The following DPP10 variants were observed in gnomAD, a reference collection of about 807,000 sequenced individuals.
The protein encoded by DPP10 is dipeptidyl peptidase like 10.
A neutral mutation model predicts 120.9 loss-of-function variants in DPP10; 33 were observed. The ratio of observed to expected loss-of-function variants is 0.27; its 90% CI spans 0.21 to 0.37. The LOEUF is 0.37. Among genes scored for constraint, DPP10 ranks in the 10% least tolerant of loss-of-function variants. The pLI, the probability that DPP10 is intolerant of heterozygous loss-of-function variation, is 1.00. For missense variants in DPP10, 816 were observed against 942.8 expected, an observed-to-expected ratio of 0.87 and a Z score of 1.76; for synonymous variants, 337 against 326.1, an observed-to-expected ratio of 1.03 and a Z score of -0.36.
chr2:115,236,657 A>G (rs549930073), intron 1 of DPP10, among the ~76,000 whole-genome samples: 14 of 152,306 alleles, frequency 9.2e-5, no homozygotes, highest in African/African-American at 3.1e-4. Flanking sequence ...ATTAAAACCA[A>G]TGTGCCATTT....
intron 1 of DPP10, among the ~76,000 whole-genome samples, chr2:114,664,939 CAGAGCATCCAAAAGATGGCAT>C (rs1558982723): frequency 2.1e-4 from 20 of 97,536 alleles, no homozygotes; most frequent in South Asian, 9.1e-4. Flanking sequence ...AAAGATGGCA[CAGAGCATCCAAAAGATGGCAT>C]AGAGCATCCA....
chr2:115,061,075 AT>A, intron 1 of DPP10, among the ~76,000 whole-genome samples: 1 of 152,174 alleles, frequency 6.6e-6, no homozygotes, highest in Non-Finnish European at 1.5e-5. Context: ...AAGACTTAAA[AT>A]TGTTTTTCTT....
chr2:115,819,732 A>G (rs1687614806), intron 21 of DPP10, among the ~76,000 whole-genome samples: 2 of 152,128 alleles, frequency 1.3e-5, no homozygotes, highest in Non-Finnish European at 2.9e-5. Flanking sequence ...GGTGGCTCAC[A>G]CCTGTAATCC....
At chr2:115,513,995 C>T (rs1331042382) in intron 4 of DPP10, among the ~76,000 whole-genome samples, 2 of 151,942 alleles carry the variant, frequency 1.3e-5, no homozygotes, top group East Asian at 1.9e-4. Flanking sequence ...GAAATGACAA[C>T]TTCTCCTTCC....
rs769502923 is a variant in DPP10, at chr2:114,871,258, A to AG, written c.60+428420_60+428421insG. 4.8e-3 allele frequency among the ~76,000 whole-genome samples: 727 copies of AG among 151,294 alleles called. 89 individuals carry two copies. The highest frequency in any genetic ancestry group is 0.013 in the East Asian group (65 of 5,090). On this transcript the variant is annotated intron_variant, in intron 1 of 25. Coordinates refer to ENST00000410059, the MANE Select transcript of DPP10 (RefSeq NM_020868.6). ...TCTTTCTCTATTATTGGGGGAAAGAACACTGAAGAAACAAGACTTTATTCC... is the reference window on the plus strand; with the variant it reads ...TCTTTCTCTATTATTGGGGGAAAGAAGCACTGAAGAAACAAGACTTTATTCC...
At chr2:115,119,201 T>A (rs761322953) in intron 1 of DPP10, among the ~76,000 whole-genome samples, 5 of 152,142 alleles carry the variant, frequency 3.3e-5, no homozygotes, top group Non-Finnish European at 7.3e-5. Context: ...AGGTGCTCAT[T>A]TGAAGCATTT....
intron 5 of DPP10, among the ~76,000 whole-genome samples, chr2:115,597,289 A>G (rs1270037411): frequency 1.3e-5 from 2 of 152,142 alleles, no homozygotes; most frequent in Non-Finnish European, 2.9e-5. Flanking sequence ...TTTTTTCACA[A>G]TACAAAGTAA....
At chr2:115,701,050 A>G (rs915367776) in intron 7 of DPP10, among the ~76,000 whole-genome samples, 5 of 152,148 alleles carry the variant, frequency 3.3e-5, no homozygotes, top group African/African-American at 9.6e-5. Flanking sequence ...ATCCCTATCA[A>G]AATCCAAATA....
intron 5 of DPP10, among the ~76,000 whole-genome samples, chr2:115,626,012 C>T (rs778332997): frequency 2.4e-4 from 36 of 149,800 alleles, no homozygotes; most frequent in Admixed American, 1.8e-3. Context: ...TGTCTGTCTG[C>T]TTGGGTATAC....
chr2:114,548,114 G>T (rs1687574401), intron 1 of DPP10, among the ~76,000 whole-genome samples: 1 of 152,100 alleles, frequency 6.6e-6, no homozygotes, highest in Non-Finnish European at 1.5e-5. Flanking sequence ...CCTTTAGCAG[G>T]GTTGCTTTGA....
At chr2:115,714,739 A>G (rs2092432463) in intron 7 of DPP10, among the ~76,000 whole-genome samples, 1 of 152,176 alleles carries the variant, frequency 6.6e-6, no homozygotes, top group African/African-American at 2.4e-5. Flanking sequence ...CTGCTTAGAA[A>G]AATCTACTGG....
At chr2:115,225,227 T>A (rs2057373250) in intron 1 of DPP10, among the ~76,000 whole-genome samples, 1 of 149,190 alleles carries the variant, frequency 6.7e-6, no homozygotes, top group African/African-American at 2.5e-5. Context: ...AGAGGAGAGG[T>A]CATGATAGCT....
chr2:115,540,262 T>C (rs1365839039), intron 5 of DPP10, among the ~76,000 whole-genome samples: 1 of 151,976 alleles, frequency 6.6e-6, no homozygotes, highest in East Asian at 1.9e-4. Context: ...TGATGCTTAA[T>C]TCTACTTACT....
At chr2:115,202,404 A>C (rs2055802373) in intron 1 of DPP10, among the ~76,000 whole-genome samples, 1 of 152,312 alleles carries the variant, frequency 6.6e-6, no homozygotes, top group South Asian at 2.1e-4. Context: ...ACATATTTTC[A>C]ATTTGCTGAT....
intron 1 of DPP10, among the ~76,000 whole-genome samples, chr2:114,523,046 C>A (rs1008457775): frequency 6.6e-6 from 1 of 152,126 alleles, no homozygotes; most frequent in Admixed American, 6.5e-5. Context: ...TAGGTTCTCT[C>A]GAAACAGATC....
At chr2:115,068,983 A>G (rs1559056102) in intron 1 of DPP10, among the ~76,000 whole-genome samples, 2 of 152,208 alleles carry the variant, frequency 1.3e-5, no homozygotes, top group South Asian at 2.1e-4. Flanking sequence ...GTATATTTCA[A>G]CATCTGGTAG....
chr2:114,996,596 T>G (rs1190937321), intron 1 of DPP10, among the ~76,000 whole-genome samples: 1 of 152,216 alleles, frequency 6.6e-6, no homozygotes, highest in Non-Finnish European at 1.5e-5. Flanking sequence ...CATCTGTAAT[T>G]TTAGCATTTT....
intron 1 of DPP10, among the ~76,000 whole-genome samples, chr2:114,518,095 TTTA>T (rs1684754296): frequency 1.4e-5 from 2 of 147,614 alleles, no homozygotes; most frequent in African/African-American, 2.5e-5. Context: ...TTTTTTTTTT[TTTA>T]GATAGAGTCC....
At chr2:114,491,155 T>C (rs1681964385) in intron 1 of DPP10, among the ~76,000 whole-genome samples, 1 of 152,184 alleles carries the variant, frequency 6.6e-6, no homozygotes, top group Non-Finnish European at 1.5e-5. Context: ...ATACTCATGT[T>C]TTTCAATTTA....
Sources: gnomAD v4.1 joint callset for allele counts (sites outside exome capture counted in the v4.1 genomes callset) on GRCh38, gnomAD v4.1.1 for gene constraint, MANE v1.5 for transcripts, NCBI Gene and HGNC (gene_info 2026-07-23, HGNC 2026-07-21) for gene names.